The following SMURF2 variants were observed in gnomAD, a reference collection of about 807,000 sequenced individuals.
SMURF2 encodes SMAD specific E3 ubiquitin protein ligase 2, also known as E3 ubiquitin-protein ligase SMURF2.
SMURF2 carries 48 observed loss-of-function variants against 109.6 expected under a neutral mutation model. The ratio of observed to expected loss-of-function variants is 0.44; its 90% CI spans 0.35 to 0.56. SMURF2 has a LOEUF of 0.56. Among genes scored for constraint, SMURF2 ranks in the 20% least tolerant of loss-of-function variants. The pLI is 0.01. For synonymous variants in SMURF2, 288 were observed against 317.1 expected (o/e 0.91, Z 0.97); for missense variants, 575 against 909.0 (o/e 0.63, Z 4.72).
intron 10 of SMURF2, among the ~76,000 whole-genome samples, chr17:64,570,124 T>C (rs1969377180): frequency 6.6e-6 from 1 of 152,222 alleles, no homozygotes; most frequent in South Asian, 2.1e-4. Context: ...TTTCTCCTAT[T>C]ATCCTAAAAA....
At chr17:64,653,678 G>A (rs1009173562) in intron 1 of SMURF2, among the ~76,000 whole-genome samples, 1 of 152,002 alleles carries the variant, frequency 6.6e-6, no homozygotes, top group Non-Finnish European at 1.5e-5. Flanking sequence ...AAACTCCTGG[G>A]CTCAAGCAAT....
chr17:64,574,542 A>G (rs1969461015), intron 9 of SMURF2, among the ~76,000 whole-genome samples: 1 of 152,214 alleles, frequency 6.6e-6, no homozygotes, highest in Admixed American at 6.5e-5. Context: ...TCGAATAGTG[A>G]TATTGTAATA....
chr17:64,570,557 G>C lies in SMURF2; in HGVS notation c.1016+1241C>G, dbSNP rs1414530319. Among the ~76,000 whole-genome samples the C allele has an allele frequency of 2.6e-5, 4 of 152,174 alleles. 1 individual carries two copies. The South Asian group carries it at 8.3e-4, about 32-fold the overall frequency. ...AGAGTTAGAAGAAATGAGGCAGCTA[G>C]AGAGAAAAGAAAAGCAAAGGATGCA... On this transcript the variant is annotated intron_variant, in intron 10 of 18. Transcript: ENST00000262435.
intron 2 of SMURF2, among the ~76,000 whole-genome samples, chr17:64,601,438 T>A (rs2144667484): frequency 6.6e-6 from 1 of 152,244 alleles, no homozygotes; most frequent in South Asian, 2.1e-4. Flanking sequence ...CCAATAAGCA[T>A]AATGAAAAAT....
intron 1 of SMURF2, among the ~76,000 whole-genome samples, chr17:64,658,875 G>A (rs1394401739): frequency 6.6e-6 from 1 of 152,172 alleles, no homozygotes; most frequent in Non-Finnish European, 1.5e-5. Flanking sequence ...GAAGTTGATA[G>A]TGTTACCATA....
intron 1 of SMURF2, among the ~76,000 whole-genome samples, chr17:64,642,331 T>A (rs1555692636): frequency 6.6e-6 from 1 of 152,198 alleles, no homozygotes; most frequent in East Asian, 1.9e-4. Flanking sequence ...GGCCTTATAA[T>A]CTCTACAGAT....
chr17:64,583,574 T>A, intron 6 of SMURF2, 30 bp from the exon 7 acceptor site: 1 of 1,570,108 alleles, frequency 6.4e-7, no homozygotes, highest in Non-Finnish European at 8.8e-7. Flanking sequence ...TGATAAGGCA[T>A]TAATAGGAAA....
At chr17:64,607,520 G>A (rs1357609508) in intron 1 of SMURF2, among the ~76,000 whole-genome samples, 3 of 151,658 alleles carry the variant, frequency 2.0e-5, no homozygotes, top group African/African-American at 7.3e-5. Context: ...CAGCTACTCA[G>A]TAGACTGAGG....
chr17:64,584,427 C>G (rs1190353531), intron 6 of SMURF2, among the ~76,000 whole-genome samples: 1 of 142,360 alleles, frequency 7.0e-6, no homozygotes, highest in African/African-American at 2.7e-5. Flanking sequence ...GGCGCGATCT[C>G]AGCTCACTGC....
intron 13 of SMURF2, 91 bp downstream of exon 13, chr17:64,557,517 G>A: frequency 3.3e-6 from 3 of 902,562 alleles, no homozygotes; most frequent in Middle Eastern, 3.1e-4. Context: ...ACTAAGACAA[G>A]GACAAATAAT....
At chr17:64,582,093 G>A (rs1030111746) in intron 7 of SMURF2, among the ~76,000 whole-genome samples, 3 of 152,098 alleles carry the variant, frequency 2.0e-5, no homozygotes, top group Admixed American at 6.5e-5. Context: ...ACTGACACAA[G>A]TACATATTCA....
chr17:64,559,717 G>A (rs1555684350), intron 12 of SMURF2, among the ~76,000 whole-genome samples: 1 of 151,282 alleles, frequency 6.6e-6, no homozygotes, highest in Admixed American at 6.6e-5. Context: ...ACCAGCCTGG[G>A]CAACACAAGA....
At chr17:64,590,622 G>A (rs1969737813) in intron 5 of SMURF2, among the ~76,000 whole-genome samples, 1 of 152,138 alleles carries the variant, frequency 6.6e-6, no homozygotes, top group Non-Finnish European at 1.5e-5. Context: ...AGTGCCTCAT[G>A]AGTAAGGTAA....
intron 1 of SMURF2, among the ~76,000 whole-genome samples, chr17:64,618,479 C>T (rs782589717): frequency 1.2e-4 from 18 of 152,214 alleles, no homozygotes; most frequent in Admixed American, 3.3e-4. Context: ...TGAAAATACA[C>T]AAAAGTACCG....
chr17:64,585,193 T>A (rs1969635834), intron 6 of SMURF2, among the ~76,000 whole-genome samples: 2 of 152,106 alleles, frequency 1.3e-5, no homozygotes, highest in African/African-American at 4.8e-5. Context: ...AAAAATAAAA[T>A]CAGAAAAGAG....
At chr17:64,616,633 C>G (rs1243902647) in intron 1 of SMURF2, among the ~76,000 whole-genome samples, 1 of 146,702 alleles carries the variant, frequency 6.8e-6, no homozygotes, top group Non-Finnish European at 1.5e-5. Context: ...CCAGCCCAGA[C>G]GACAGTGCGA....
intron 11 of SMURF2, among the ~76,000 whole-genome samples, 152 bp downstream of exon 11, chr17:64,562,618 TC>T (rs1464054731): frequency 6.6e-6 from 1 of 152,030 alleles, no homozygotes; most frequent in African/African-American, 2.4e-5. Flanking sequence ...CCTCAGGTGA[TC>T]CGCCCACCTC....
intron 5 of SMURF2, 40 bp downstream of exon 5, chr17:64,591,044 T>C: frequency 1.3e-6 from 2 of 1,529,252 alleles, no homozygotes; most frequent in Non-Finnish European, 1.8e-6. Flanking sequence ...TTAGGTCAGT[T>C]TGAAACCAAA....
chr17:64,628,977 C>T (rs781931712), intron 1 of SMURF2, among the ~76,000 whole-genome samples: 4 of 152,114 alleles, frequency 2.6e-5, no homozygotes, highest in Admixed American at 6.6e-5. Context: ...AGGACTTACC[C>T]CCACCCTTCA....
Sources: gnomAD v4.1 joint callset for allele counts (sites outside exome capture counted in the v4.1 genomes callset) on GRCh38, gnomAD v4.1.1 for gene constraint, MANE v1.5 for transcripts, NCBI Gene and HGNC (gene_info 2026-07-23, HGNC 2026-07-21) for gene names.